MALRD1: variants seen among roughly 807,000 people sequenced by gnomAD.
MALRD1 encodes MAM and LDL receptor class A domain containing 1.
MALRD1 carries 247 observed loss-of-function variants against 242.1 expected under a neutral mutation model. That is an observed-to-expected ratio of 1.02 (90% CI 0.92 to 1.13). The LOEUF is 1.13. Ranked by LOEUF, MALRD1 falls within the 50% of genes most tolerant of loss-of-function variation. MALRD1 has a pLI of 0.00. For missense variants in MALRD1, 2,989 were observed against 2,533.1 expected (o/e 1.18, Z -3.86); for synonymous variants, 995 against 866.6 (o/e 1.15, Z -2.60).
At chr10:19,589,826 A>G (rs371105352) in intron 33 of MALRD1, among the ~76,000 whole-genome samples, 10 of 152,290 alleles carry the variant, frequency 6.6e-5, no homozygotes, top group East Asian at 5.8e-4. Flanking sequence ...TGCGAATGAC[A>G]CTATCAACAC....
At chr10:19,406,087 A>G (rs1162618983) in intron 28 of MALRD1, among the ~76,000 whole-genome samples, 2 of 152,180 alleles carry the variant, frequency 1.3e-5, no homozygotes, top group Admixed American at 6.5e-5. Context: ...TTCTTTACAT[A>G]TGTAAAATGA....
At chr10:19,435,288 C>T (rs1464338699) in intron 28 of MALRD1, among the ~76,000 whole-genome samples, 6 of 152,012 alleles carry the variant, frequency 3.9e-5, no homozygotes, top group African/African-American at 1.2e-4. Context: ...ACCTCACACT[C>T]ATTTTCCCCT....
chr10:19,260,432 G>A (rs1005002687), intron 19 of MALRD1, among the ~76,000 whole-genome samples: 5 of 151,626 alleles, frequency 3.3e-5, no homozygotes, highest in African/African-American at 1.2e-4. Flanking sequence ...ATAGAGGATG[G>A]AAAAAAAAGC....
At chr10:19,459,181 C>T (rs4748581) in intron 29 of MALRD1, among the ~76,000 whole-genome samples, 123,400 of 152,050 alleles carry the variant, frequency 0.81, 50,293 homozygotes, top group East Asian at 1. Flanking sequence ...GTTTATTCAA[C>T]CTGAAGATGT....
intron 21 of MALRD1, among the ~76,000 whole-genome samples, chr10:19,305,974 C>CTATATAT (rs1842156858): frequency 8.2e-6 from 1 of 121,348 alleles, no homozygotes; most frequent in Admixed American, 9.7e-5. Context: ...ATATACTATG[C>CTATATAT]TATATATTAT....
rs1370065619 is a variant in MALRD1, at chr10:19,516,772, TCTC to T, written c.5321-14417_5321-14415del. On this transcript the variant is annotated intron_variant, in intron 31 of 39. Coordinates refer to ENST00000454679, the MANE Select transcript of MALRD1 (RefSeq NM_001142308.3). ...TTCTTTCTCTTCCCCTTCACCTTCTTCTCCTCCCTCTTCTCCTCCTTCTCCTTC... is the reference window on the plus strand; with the variant it reads ...TTCTTTCTCTTCCCCTTCACCTTCTTCTCCCTCTTCTCCTCCTTCTCCTTC... Among the ~76,000 whole-genome samples the T allele has an allele frequency of 5.4e-5, 8 of 149,408 alleles. No individual in the cohort carries two copies. The South Asian group carries it at 8.7e-4, about 16-fold the overall frequency.
intron 29 of MALRD1, among the ~76,000 whole-genome samples, chr10:19,455,839 G>A (rs968700960): frequency 2.0e-5 from 3 of 152,192 alleles, no homozygotes; most frequent in Non-Finnish European, 4.4e-5. Context: ...GCTGAAATGT[G>A]TGCATTCCAG....
At chr10:19,647,314 T>A (rs1043567584) in intron 36 of MALRD1, among the ~76,000 whole-genome samples, 3 of 152,230 alleles carry the variant, frequency 2.0e-5, no homozygotes, top group Non-Finnish European at 4.4e-5. Flanking sequence ...CCATTTCTAC[T>A]GTGTTTTGCT....
chr10:19,381,978 CAATGGTACTACG>C (rs1845857214), intron 26 of MALRD1, among the ~76,000 whole-genome samples: 1 of 151,830 alleles, frequency 6.6e-6, no homozygotes, highest in South Asian at 2.1e-4. Flanking sequence ...TTATTTTGAC[CAATGGTACTACG>C]AAATTTGTAT....
intron 33 of MALRD1, among the ~76,000 whole-genome samples, chr10:19,578,914 C>A (rs192145285): frequency 1.3e-5 from 2 of 152,180 alleles, no homozygotes; most frequent in East Asian, 3.9e-4. Context: ...CCAACAATCT[C>A]CAAGAACACG....
chr10:19,094,454 G>T (rs1047582243), intron 4 of MALRD1, among the ~76,000 whole-genome samples: 2 of 148,364 alleles, frequency 1.3e-5, no homozygotes, highest in Non-Finnish European at 3.0e-5. Flanking sequence ...TTCGGCTCGC[G>T]CACGGTGTGC....
intron 28 of MALRD1, among the ~76,000 whole-genome samples, chr10:19,434,449 T>A (rs970289276): frequency 1.3e-5 from 2 of 152,044 alleles, no homozygotes; most frequent in Non-Finnish European, 2.9e-5. Flanking sequence ...CATTTTATTT[T>A]TAAAAATTCA....
At chr10:19,176,750 T>G (rs1490621992) in intron 14 of MALRD1, among the ~76,000 whole-genome samples, 1 of 152,124 alleles carries the variant, frequency 6.6e-6, no homozygotes, top group African/African-American at 2.4e-5. Context: ...AATAGACCAT[T>G]CTAAGCTCTG....
chr10:19,541,333 G>A (rs1436068021), intron 32 of MALRD1, among the ~76,000 whole-genome samples: 1 of 152,270 alleles, frequency 6.6e-6, no homozygotes, highest in South Asian at 2.1e-4. Context: ...AACGTAGGGA[G>A]ATGTGTGTAG....
chr10:19,068,807 C>T (rs2131249199), intron 2 of MALRD1, among the ~76,000 whole-genome samples: 1 of 152,152 alleles, frequency 6.6e-6, no homozygotes, highest in East Asian at 1.9e-4. Context: ...AAATGATTTG[C>T]CAGTGCTCCA....
At chr10:19,286,805 C>G (rs542676127) in intron 21 of MALRD1, among the ~76,000 whole-genome samples, 3 of 151,392 alleles carry the variant, frequency 2.0e-5, no homozygotes, top group South Asian at 4.2e-4. Flanking sequence ...AGGGAATCCT[C>G]CCTAACTCAT....
chr10:19,206,937 A>C (rs965769434), intron 17 of MALRD1, among the ~76,000 whole-genome samples: 1 of 152,118 alleles, frequency 6.6e-6, no homozygotes, highest in African/African-American at 2.4e-5. Context: ...AGTTCACATC[A>C]CAGCTGGTCT....
intron 33 of MALRD1, among the ~76,000 whole-genome samples, chr10:19,581,682 G>A (rs1404887790): frequency 2.0e-5 from 3 of 149,598 alleles, no homozygotes; most frequent in East Asian, 2.0e-4. Flanking sequence ...GTAAACATAC[G>A]TGTGCATGTG....
chr10:19,527,283 C>T (rs2131335179), intron 31 of MALRD1, among the ~76,000 whole-genome samples: 1 of 152,188 alleles, frequency 6.6e-6, no homozygotes, highest in South Asian at 2.1e-4. Context: ...AGACTTAATT[C>T]AGGTTGCTGT....
Sources: allele counts gnomAD v4.1 joint callset (sites outside exome capture counted in the v4.1 genomes callset), GRCh38; gene constraint gnomAD v4.1.1; transcripts MANE v1.5; gene names NCBI Gene and HGNC (gene_info 2026-07-23, HGNC 2026-07-21).